Variants in EVC observed in about 807,000 individuals in gnomAD.
The protein encoded by EVC is EvC ciliary complex subunit 1, also known as evC complex member EVC.
In EVC, 116 loss-of-function variants were observed where a neutral mutation model predicts 118.9. The observed-to-expected ratio is 0.98, with a 90% CI of 0.84 to 1.14. The LOEUF (loss-of-function observed/expected upper bound fraction) is 1.14, where lower values mean the gene tolerates loss of function less well. Among genes scored for constraint, EVC ranks in the 50% most tolerant of loss-of-function variants. The pLI, the probability that EVC is intolerant of heterozygous loss-of-function variation, is 0.00. For synonymous variants in EVC, 619 were observed against 534.7 expected (o/e 1.16, Z -2.18); for missense variants, 1,401 against 1,246.4 (o/e 1.12, Z -1.87).
At chr4:5,727,398 C>T (rs77554295) in intron 2 of EVC, among the ~76,000 whole-genome samples, 115,329 of 151,108 alleles carry the variant, frequency 0.76, 44,047 homozygotes, top group Admixed American at 0.81. Flanking sequence ...TCATGTCCTT[C>T]GCCCACTTTT....
At chr4:5,815,755 G>A (rs142811155), downstream of EVC, among the ~76,000 whole-genome samples, 3 of 152,180 alleles carry the variant, frequency 2.0e-5, no homozygotes, top group South Asian at 2.1e-4. Flanking sequence ...TGTGCAGTTC[G>A]GTGCTTTGAG....
intron 11 of EVC, among the ~76,000 whole-genome samples, chr4:5,766,251 T>G (rs905536031): frequency 6.6e-6 from 1 of 151,812 alleles, no homozygotes; most frequent in Non-Finnish European, 1.5e-5. Flanking sequence ...TTCTGGCTTG[T>G]AGAGTTTCTG....
the EVC span, chr4:5,828,805 G>A: frequency 1.9e-6 from 2 of 1,075,044 alleles, no homozygotes; most frequent in Non-Finnish European, 2.6e-6. Context: ...ACCTTTTATT[G>A]ACTGTAATAT....
chr4:5,799,695 G>A (rs1369000954), intron 15 of EVC, among the ~76,000 whole-genome samples: 1 of 152,200 alleles, frequency 6.6e-6, no homozygotes, highest in Non-Finnish European at 1.5e-5. Flanking sequence ...ATCGGGAAGT[G>A]CAGGAGCCCT....
chr4:5,798,926 CTTGA>C lies in EVC; in HGVS notation c.2304+137_2304+140del. ...TAGACTTTGCCTGACTTCTCCATGACTTGATTTTCTCATCTGTAAGGTGGGATCT... is the reference window on the plus strand; with the variant it reads ...TAGACTTTGCCTGACTTCTCCATGACTTTTCTCATCTGTAAGGTGGGATCT... On this transcript the variant is annotated intron_variant, in intron 15 of 20. Transcript: ENST00000264956. The surrounding 1 kb of genome is among the most constrained non-coding windows in gnomAD (Gnocchi z 4.1). 1 of 963,536 alleles carries C rather than the reference CTTGA, an allele frequency of 1.0e-6. No individual in the cohort carries two copies. The highest frequency in any genetic ancestry group is 1.6e-6 in the Non-Finnish European group (1 of 613,084). 59.7% of individuals were successfully genotyped at this position (963,536 alleles called of 1,614,324 possible).
intron 11 of EVC, among the ~76,000 whole-genome samples, chr4:5,763,752 G>C (rs1732432736): frequency 8.8e-6 from 1 of 113,884 alleles, no homozygotes; most frequent in African/African-American, 3.7e-5. Flanking sequence ...CATTGATTTT[G>C]TATCCTGAGA....
intron 11 of EVC, among the ~76,000 whole-genome samples, chr4:5,769,993 TG>T (rs1733694188): frequency 6.6e-6 from 1 of 152,054 alleles, no homozygotes; most frequent in Non-Finnish European, 1.5e-5. Context: ...ACAGCTGCTG[TG>T]CTCAGGGCCA....
intron 9 of EVC, among the ~76,000 whole-genome samples, chr4:5,753,431 A>G (rs1316535110): frequency 6.6e-6 from 1 of 152,172 alleles, no homozygotes; most frequent in Admixed American, 6.5e-5. Flanking sequence ...GCTCATGGTC[A>G]TGCTGGAGTC....
downstream of EVC, among the ~76,000 whole-genome samples, chr4:5,815,160 G>T (rs951884423): frequency 3.9e-5 from 6 of 152,080 alleles, no homozygotes; most frequent in Non-Finnish European, 7.3e-5. Flanking sequence ...CTGTGGCATT[G>T]TAAACTGTAA....
intron 11 of EVC, among the ~76,000 whole-genome samples, chr4:5,762,036 G>A (rs1732116562): frequency 1.5e-5 from 2 of 132,630 alleles, no homozygotes; most frequent in East Asian, 2.2e-4. Flanking sequence ...ATATCTCCCA[G>A]TGCTATCCCT....
At chr4:5,772,585 C>T (rs1021296530) in intron 11 of EVC, among the ~76,000 whole-genome samples, 1 of 152,096 alleles carries the variant, frequency 6.6e-6, no homozygotes, top group African/African-American at 2.4e-5. Context: ...TAGCTTGGTC[C>T]ACGAGGCCCA....
chr4:5,779,171 G>C (rs1391787964), intron 11 of EVC, among the ~76,000 whole-genome samples: 1 of 151,056 alleles, frequency 6.6e-6, no homozygotes, highest in Non-Finnish European at 1.5e-5. Flanking sequence ...CATTATTTCT[G>C]AGGGCTCTGT....
At chr4:5,791,909 C>T (rs1403856875) in intron 12 of EVC, among the ~76,000 whole-genome samples, 1 of 152,216 alleles carries the variant, frequency 6.6e-6, no homozygotes, top group Admixed American at 6.5e-5. Context: ...ACACCTGGGC[C>T]TTTCTAACCC....
chr4:5,783,871 C>A lies in EVC; in HGVS notation c.1776+107C>A, dbSNP rs1198602119. 12 of 1,063,606 alleles carry A rather than the reference C, an allele frequency of 1.1e-5. No homozygotes were observed. The Admixed American group carries it at 2.0e-4, about 18-fold the overall frequency. 65.9% of individuals were successfully genotyped at this position (1,063,606 alleles called of 1,614,324 possible). A position where few individuals can be genotyped will look rare whatever the true frequency, so the allele number is the denominator to read the frequency against. On this transcript the variant is annotated intron_variant, in intron 12 of 20. Coordinates refer to ENST00000264956, the MANE Select transcript of EVC (RefSeq NM_153717.3). Reference sequence around the variant, plus strand: ...CACCCACTAGTGCCTATTGTAGGTGCTCTACGGAGATGACTGTTGCCTCCC... The same window carrying A: ...CACCCACTAGTGCCTATTGTAGGTGATCTACGGAGATGACTGTTGCCTCCC...
intron 12 of EVC, among the ~76,000 whole-genome samples, chr4:5,791,853 C>T (rs1026634168): frequency 6.6e-6 from 1 of 152,160 alleles, no homozygotes; most frequent in Non-Finnish European, 1.5e-5. Flanking sequence ...CCAGACACCC[C>T]GCCCTGGCTG....
chr4:5,718,369 T>A (rs1022177787), intron 1 of EVC, among the ~76,000 whole-genome samples: 25 of 152,164 alleles, frequency 1.6e-4, no homozygotes. Context: ...GCTCTGTAAC[T>A]CACACCTGAA....
At chr4:5,757,936 A>C in intron 11 of EVC, 1 of 604,714 alleles carries the variant, frequency 1.7e-6, no homozygotes, top group South Asian at 2.0e-5. Flanking sequence ...AGTGTCCTTC[A>C]AAACGTCATG....
At chr4:5,727,774 T>C (rs1016634320) in intron 2 of EVC, among the ~76,000 whole-genome samples, 9 of 151,320 alleles carry the variant, frequency 5.9e-5, no homozygotes, top group African/African-American at 2.2e-4. Context: ...GGGATCCAGT[T>C]TCAGCTTTCT....
rs559915401 is a variant in EVC at position 5,757,968 on chromosome 4, T to C, written c.1563+1606T>C. ...CATGTCCATCTGGAACCTCGGAATG[T>C]GGCCACACTTGGAAATAAGGGCTTT... On this transcript the variant is annotated intron_variant, in intron 11 of 20. Coordinates refer to ENST00000264956, the MANE Select transcript of EVC (RefSeq NM_153717.3). 216 of 643,138 alleles carry C rather than the reference T, an allele frequency of 3.4e-4. No individual in the cohort carries two copies. The African/African-American group carries it at 3.7e-3, about 11-fold the overall frequency. 39.8% of individuals were successfully genotyped at this position (643,138 alleles called of 1,614,324 possible).
Sources: gnomAD v4.1 joint callset for allele counts (sites outside exome capture counted in the v4.1 genomes callset) on GRCh38, gnomAD v4.1.1 for gene constraint, Gnocchi (gnomAD v3.1) non-coding constraint, MANE v1.5 for transcripts, NCBI Gene and HGNC (gene_info 2026-07-23, HGNC 2026-07-21) for gene names.